AGBL4: variants seen among roughly 807,000 people sequenced by gnomAD.
AGBL4 encodes cytosolic carboxypeptidase 6.
A neutral mutation model predicts 66.4 loss-of-function variants in AGBL4; 58 were observed. The observed-to-expected ratio is 0.87, with a 90% CI of 0.71 to 1.09. AGBL4 has a LOEUF of 1.09. Ranked by LOEUF, AGBL4 falls within the 50% of genes least tolerant of loss-of-function variation. AGBL4 has a pLI of 0.00. For missense variants in AGBL4, 579 were observed against 631.0 expected, an observed-to-expected ratio of 0.92 and a Z score of 0.88; for synonymous variants, 234 against 222.9, an observed-to-expected ratio of 1.05 and a Z score of -0.44.
intron 5 of AGBL4, among the ~76,000 whole-genome samples, chr1:48,986,620 C>A (rs947295211): frequency 6.6e-6 from 1 of 151,938 alleles, no homozygotes; most frequent in Non-Finnish European, 1.5e-5. Flanking sequence ...TAAAAGAATT[C>A]ACTACTAGCA....
chr1:49,923,273 G>C (rs1652449793), intron 1 of AGBL4, among the ~76,000 whole-genome samples: 1 of 152,144 alleles, frequency 6.6e-6, no homozygotes, highest in Admixed American at 6.6e-5. Context: ...TATGCAGAAG[G>C]CTGAAACTGG....
chr1:48,980,337 T>C (rs1175427010), intron 5 of AGBL4, among the ~76,000 whole-genome samples: 1 of 152,140 alleles, frequency 6.6e-6, no homozygotes, highest in African/African-American at 2.4e-5. Flanking sequence ...ACTTTTTAAA[T>C]TGGCTTGATG....
At chr1:49,562,467 T>G (rs1200067874) in intron 3 of AGBL4, among the ~76,000 whole-genome samples, 1 of 152,196 alleles carries the variant, frequency 6.6e-6, no homozygotes, top group African/African-American at 2.4e-5. Flanking sequence ...CTTTAATCCA[T>G]CTTGAATTAA....
At chr1:49,622,362 G>T (rs889120346) in intron 3 of AGBL4, among the ~76,000 whole-genome samples, 13 of 152,056 alleles carry the variant, frequency 8.5e-5, no homozygotes, top group Admixed American at 3.9e-4. Flanking sequence ...GGGCGCGGTG[G>T]CTCACGCCTG....
chr1:49,185,836 T>A (rs1647007056), intron 4 of AGBL4, among the ~76,000 whole-genome samples: 1 of 152,152 alleles, frequency 6.6e-6, no homozygotes, highest in South Asian at 2.1e-4. Flanking sequence ...TAAGGATCCC[T>A]CCTTCAGTAG....
chr1:48,598,722 A>G (rs1478299997), intron 9 of AGBL4, among the ~76,000 whole-genome samples: 1 of 151,930 alleles, frequency 6.6e-6, no homozygotes, highest in Non-Finnish European at 1.5e-5. Flanking sequence ...GTTGCAGTGC[A>G]TTGGCACAAT....
At chr1:49,470,134 T>C (rs1467836149) in intron 3 of AGBL4, 1 of 152,032 alleles carries the variant, frequency 6.6e-6, no homozygotes, top group African/African-American at 2.4e-5. Flanking sequence ...CTTCTCACTG[T>C]ACCCCATCTA....
intron 3 of AGBL4, among the ~76,000 whole-genome samples, chr1:49,539,567 T>G (rs1202475465): frequency 6.6e-6 from 1 of 152,210 alleles, no homozygotes; most frequent in African/African-American, 2.4e-5. Context: ...AATCTTCTAC[T>G]TTGCTCCTTG....
intron 4 of AGBL4, among the ~76,000 whole-genome samples, chr1:49,226,267 C>A (rs1039692364): frequency 3.3e-5 from 5 of 152,080 alleles, no homozygotes; most frequent in Admixed American, 3.3e-4. Context: ...AGTGTGTGCA[C>A]AATACTTAAC....
At chr1:49,237,399 T>C (rs1185596308) in intron 4 of AGBL4, among the ~76,000 whole-genome samples, 4 of 151,714 alleles carry the variant, frequency 2.6e-5, no homozygotes, top group African/African-American at 4.9e-5. Flanking sequence ...CCCAGCCACA[T>C]AGAATTGTAA....
intron 3 of AGBL4, among the ~76,000 whole-genome samples, chr1:49,425,197 A>G (rs1645629285): frequency 6.6e-6 from 1 of 152,192 alleles, no homozygotes; most frequent in Non-Finnish European, 1.5e-5. Flanking sequence ...TAACTTACAT[A>G]ATAATTCTAA....
At chr1:49,054,946 G>C (rs1372063931) in intron 4 of AGBL4, among the ~76,000 whole-genome samples, 1 of 151,944 alleles carries the variant, frequency 6.6e-6, no homozygotes, top group Non-Finnish European at 1.5e-5. Flanking sequence ...AAGTGCTTCA[G>C]CTTTTAAAGC....
At chr1:49,739,722 G>T (rs980858949) in intron 2 of AGBL4, among the ~76,000 whole-genome samples, 8 of 152,306 alleles carry the variant, frequency 5.3e-5, no homozygotes, top group Middle Eastern at 3.4e-3. Context: ...AACTCTACAA[G>T]CCAGAAGAGA....
chr1:49,071,590 T>C (rs1206963595), intron 4 of AGBL4, among the ~76,000 whole-genome samples: 2 of 152,006 alleles, frequency 1.3e-5, no homozygotes, highest in Non-Finnish European at 2.9e-5. Flanking sequence ...CTAATTTGAT[T>C]GCACTGTGGT....
chr1:48,552,283 C>T (rs143041757), intron 11 of AGBL4, among the ~76,000 whole-genome samples: 52 of 152,186 alleles, frequency 3.4e-4, no homozygotes, highest in African/African-American at 1.2e-3. Context: ...AGGCTTGTCT[C>T]GAACTCCTGA....
At chr1:49,550,623 T>C (rs1373457552) in intron 3 of AGBL4, among the ~76,000 whole-genome samples, 1 of 152,168 alleles carries the variant, frequency 6.6e-6, no homozygotes, top group Non-Finnish European at 1.5e-5. Flanking sequence ...AGGCTGAAGA[T>C]AGGGCCCCAA....
At chr1:49,471,006 T>G (rs1349851663) in intron 3 of AGBL4, among the ~76,000 whole-genome samples, 2 of 152,048 alleles carry the variant, frequency 1.3e-5, no homozygotes, top group Non-Finnish European at 2.9e-5. Context: ...TTAGTTAAGA[T>G]TTTAGCTTTT....
At chr1:49,410,131 A>G (rs2148625754) in intron 3 of AGBL4, among the ~76,000 whole-genome samples, 1 of 152,176 alleles carries the variant, frequency 6.6e-6, no homozygotes, top group Non-Finnish European at 1.5e-5. Context: ...TGAACCTCTT[A>G]AGGATGTATA....
rs867812578 is a variant in AGBL4 at position 48,914,425 on chromosome 1, A to C, written c.595-47195T>G. On this transcript the variant is annotated intron_variant, in intron 5 of 13. Transcript: ENST00000371839. ...TGTAAAGGATTGAGGAATTAGTGTG[A>C]AATGAGGGAGTGGAGGTAGCAAATA... Among the ~76,000 whole-genome samples the C allele has an allele frequency of 7.2e-4, 110 of 152,306 alleles. 1 individual carries two copies. The highest frequency in any genetic ancestry group is 2.5e-3 in the African/African-American group (106 of 41,574).
Sources: allele counts gnomAD v4.1 joint callset (sites outside exome capture counted in the v4.1 genomes callset), GRCh38; gene constraint gnomAD v4.1.1; transcripts MANE v1.5; gene names NCBI Gene and HGNC (gene_info 2026-07-23, HGNC 2026-07-21).